PALM2AKAP2: variants seen among roughly 807,000 people sequenced by gnomAD.
PALM2AKAP2 encodes the protein PALM2-AKAP2 fusion protein.
A neutral mutation model predicts 71.5 loss-of-function variants in PALM2AKAP2; 37 were observed. The ratio of observed to expected loss-of-function variants is 0.52; its 90% CI spans 0.40 to 0.68. The LOEUF (loss-of-function observed/expected upper bound fraction) is 0.68. Among genes scored for constraint, PALM2AKAP2 ranks in the 30% least tolerant of loss-of-function variants. The probability of loss-of-function intolerance (pLI) is 0.00; values close to 1 mark genes in which losing one functional copy is unlikely to be tolerated. For synonymous variants in PALM2AKAP2, 468 were observed against 478.8 expected (o/e 0.98, Z 0.29); for missense variants, 1,224 against 1,191.8 (o/e 1.03, Z -0.40).
intron 1 of PALM2AKAP2, among the ~76,000 whole-genome samples, chr9:110,105,057 G>A (rs1835083953): frequency 6.6e-6 from 1 of 152,224 alleles, no homozygotes; most frequent in African/African-American, 2.4e-5. Flanking sequence ...CCATTTTACA[G>A]GAGAAACAAA....
At chr9:109,685,379 A>G (rs1275101291) in intron 1 of PALM2AKAP2, among the ~76,000 whole-genome samples, 1 of 152,190 alleles carries the variant, frequency 6.6e-6, no homozygotes, top group East Asian at 1.9e-4. Context: ...TATATGTCAG[A>G]GATATTGTGA....
At chr9:109,761,990 C>A (rs1829061392) in intron 1 of PALM2AKAP2, among the ~76,000 whole-genome samples, 1 of 152,110 alleles carries the variant, frequency 6.6e-6, no homozygotes. Flanking sequence ...CAATGAGATA[C>A]CATCTCATGC....
intron 1 of PALM2AKAP2, among the ~76,000 whole-genome samples, chr9:109,804,249 G>T (rs10816879): frequency 2.6e-5 from 4 of 152,112 alleles, no homozygotes; most frequent in South Asian, 4.2e-4. Context: ...AGCATGGCAT[G>T]GAGGAAATAA....
chr9:109,879,674 T>C (rs1422052708), intron 2 of PALM2AKAP2, among the ~76,000 whole-genome samples: 1 of 151,592 alleles, frequency 6.6e-6, no homozygotes, highest in African/African-American at 2.4e-5. Context: ...TGTATCGTAG[T>C]ACACTTGCAA....
intron 1 of PALM2AKAP2, among the ~76,000 whole-genome samples, chr9:109,701,250 G>T (rs1828050821): frequency 6.6e-6 from 1 of 152,080 alleles, no homozygotes; most frequent in Non-Finnish European, 1.5e-5. Flanking sequence ...CTACTTTAAA[G>T]TTCATATGGA....
At chr9:110,100,051 C>CTATATA (rs71373968) in intron 1 of PALM2AKAP2, among the ~76,000 whole-genome samples, 8,792 of 109,208 alleles carry the variant, frequency 0.081, 451 homozygotes, top group African/African-American at 0.089. Context: ...GTATGTGTGT[C>CTATATA]TATATATATA....
At chr9:110,080,195 G>A (rs1446706960) in intron 1 of PALM2AKAP2, among the ~76,000 whole-genome samples, 3 of 151,886 alleles carry the variant, frequency 2.0e-5, no homozygotes, top group Non-Finnish European at 1.5e-5. Flanking sequence ...TAGGCATAGT[G>A]CCAGGCAGCC....
chr9:109,831,142 T>TACACACAC (rs111681992), intron 1 of PALM2AKAP2, among the ~76,000 whole-genome samples: 39 of 135,056 alleles, frequency 2.9e-4, no homozygotes, highest in East Asian at 9.3e-4. Context: ...ATACTTCCCC[T>TACACACAC]ACACACACAC....
chr9:109,820,700 A>G (rs1827971431), intron 1 of PALM2AKAP2, among the ~76,000 whole-genome samples: 1 of 152,238 alleles, frequency 6.6e-6, no homozygotes, highest in South Asian at 2.1e-4. Context: ...CAGAAACTCC[A>G]TGTCTCCTTC....
intron 1 of PALM2AKAP2, among the ~76,000 whole-genome samples, chr9:110,100,063 A>ATATATATATATATG (rs1834958232): frequency 1.4e-5 from 2 of 142,536 alleles, no homozygotes; most frequent in Non-Finnish European, 3.0e-5. Flanking sequence ...ATATATATAT[A>ATATATATATATATG]TATATATATA....
At chr9:110,078,280 A>G (rs1834368681) in intron 1 of PALM2AKAP2, among the ~76,000 whole-genome samples, 1 of 152,318 alleles carries the variant, frequency 6.6e-6, no homozygotes, top group South Asian at 2.1e-4. Flanking sequence ...TATTAGTTAC[A>G]TGACAACCTT....
At chr9:109,829,202 G>A (rs565596864) in intron 1 of PALM2AKAP2, among the ~76,000 whole-genome samples, 40 of 152,254 alleles carry the variant, frequency 2.6e-4, no homozygotes, top group Admixed American at 3.3e-4. Context: ...TCCCTGAGAC[G>A]CTCACCTCAC....
At chr9:109,917,484 CTTTT>C (rs59106508) in intron 3 of PALM2AKAP2, among the ~76,000 whole-genome samples, 5 of 111,426 alleles carry the variant, frequency 4.5e-5, no homozygotes, top group Admixed American at 1.0e-4. Flanking sequence ...CGCTCCTTTC[CTTTT>C]TTTTTTTTTT....
At chr9:110,160,195 A>AT (rs1286146854) in intron 3 of PALM2AKAP2, among the ~76,000 whole-genome samples, 13 of 152,264 alleles carry the variant, frequency 8.5e-5, no homozygotes, top group African/African-American at 2.9e-4. Flanking sequence ...CCAGCCACAC[A>AT]TTTGGGGGGT....
At chr9:109,986,451 T>C (rs1468794247) in intron 6 of PALM2AKAP2, among the ~76,000 whole-genome samples, 1 of 152,236 alleles carries the variant, frequency 6.6e-6, no homozygotes, top group African/African-American at 2.4e-5. Flanking sequence ...ATGCAGCTGT[T>C]TCATCTAATA....
chr9:110,043,720 T>TG (rs1833546443), upstream of PALM2AKAP2, among the ~76,000 whole-genome samples: 1 of 118,614 alleles, frequency 8.4e-6, no homozygotes, highest in African/African-American at 3.3e-5. Flanking sequence ...TTTGGTGTTT[T>TG]TTTTTTTTTT....
intron 1 of PALM2AKAP2, among the ~76,000 whole-genome samples, chr9:109,761,322 C>A (rs1587897551): frequency 1.3e-5 from 2 of 152,106 alleles, no homozygotes; most frequent in Non-Finnish European, 2.9e-5. Context: ...GTATCTATTA[C>A]TTTGTGGATT....
At chr9:110,037,512 A>G (rs190111989) in intron 7 of PALM2AKAP2, among the ~76,000 whole-genome samples, 1 of 152,330 alleles carries the variant, frequency 6.6e-6, no homozygotes, top group Admixed American at 6.5e-5. Flanking sequence ...GGCTTCAACA[A>G]CAAATATTTA....
intron 3 of PALM2AKAP2, among the ~76,000 whole-genome samples, chr9:109,898,803 A>G (rs1288778178): frequency 2.0e-5 from 3 of 152,104 alleles, no homozygotes; most frequent in African/African-American, 4.8e-5. Flanking sequence ...ACTCTCCTAC[A>G]CCTGCCAAAT....
Sources: gnomAD v4.1 joint callset for allele counts (sites outside exome capture counted in the v4.1 genomes callset) on GRCh38, gnomAD v4.1.1 for gene constraint, MANE v1.5 for transcripts, NCBI Gene and HGNC (gene_info 2026-07-23, HGNC 2026-07-21) for gene names.